EARS2: variants seen among roughly 807,000 people sequenced by gnomAD.
EARS2 encodes nondiscriminating glutamyl-tRNA synthetase EARS2, mitochondrial.
A neutral mutation model predicts 54.1 loss-of-function variants in EARS2; 50 were observed. The ratio of observed to expected loss-of-function variants is 0.92; its 90% CI spans 0.74 to 1.17. EARS2 has a LOEUF of 1.17. Among genes scored for constraint, EARS2 ranks in the 50% most tolerant of loss-of-function variants. EARS2 has a pLI of 0.00. For missense variants in EARS2, 673 were observed against 675.0 expected (o/e 1.00, Z 0.03); for synonymous variants, 298 against 281.0 (o/e 1.06, Z -0.61).
intron 3 of EARS2, among the ~76,000 whole-genome samples, chr16:23,536,073 C>A (rs528946815): frequency 4.6e-5 from 7 of 152,160 alleles, no homozygotes; most frequent in Non-Finnish European, 2.9e-5. Context: ...TCTGTGGGCC[C>A]CTAGCATCAG....
chr16:23,534,868 C>T lies in EARS2; in HGVS notation c.958+20G>A, dbSNP rs777436163. On this transcript the variant is annotated intron_variant, in intron 4 of 8. Transcript: ENST00000449606. Reference sequence around the variant, plus strand: ...CTGGCCATGCTCTCTGCTGCCAGGACTATTCAGGTGGGCACGTACCTGCAA... The same window carrying T: ...CTGGCCATGCTCTCTGCTGCCAGGATTATTCAGGTGGGCACGTACCTGCAA... 6.5e-7 allele frequency: 1 copy of T among 1,544,608 alleles called. No individual in the cohort carries two copies. Among genetic ancestry groups the T allele is most frequent in the Non-Finnish European group, 8.8e-7 (1 of 1,140,958 alleles).
At chr16:23,552,375 A>G (rs1436613349) in intron 1 of EARS2, 71 bp from the exon 2 acceptor site, 13 of 1,482,498 alleles carry the variant, frequency 8.8e-6, no homozygotes, top group Non-Finnish European at 1.2e-5. Flanking sequence ...GCAAGTAAGC[A>G]CTACTGTGAC....
intron 3 of EARS2, 73 bp downstream of exon 3, chr16:23,544,441 A>C: frequency 6.9e-7 from 1 of 1,444,382 alleles, no homozygotes; most frequent in South Asian, 1.3e-5. Flanking sequence ...GTTTAGGGGA[A>C]TTTCTTACGC....
intron 5 of EARS2, among the ~76,000 whole-genome samples, chr16:23,530,713 T>G (rs1170418290): frequency 6.6e-6 from 1 of 151,984 alleles, no homozygotes; most frequent in Non-Finnish European, 1.5e-5. Flanking sequence ...CAAAAAAAAT[T>G]TAAAGTAACA....
intron 3 of EARS2, among the ~76,000 whole-genome samples, chr16:23,536,333 A>G (rs982290301): frequency 3.9e-5 from 6 of 152,190 alleles, no homozygotes; most frequent in African/African-American, 1.2e-4. Context: ...GGCTGGACAC[A>G]GTTGCTCACG....
intron 4 of EARS2, among the ~76,000 whole-genome samples, chr16:23,534,207 T>G (rs955035525): frequency 2.0e-5 from 3 of 152,362 alleles, no homozygotes; most frequent in Admixed American, 2.0e-4. Context: ...GTTACTCAGC[T>G]TCTCTGAGCT....
rs113410455 is a variant in EARS2 at position 23,557,281 on chromosome 16, G to T, written c.63C>A (p.Pro21=). The change falls in exon 1 of 9, where the codon CCC becomes CCA. Residue 21 remains proline, a synonymous_variant. Coordinates refer to ENST00000449606, the MANE Select transcript of EARS2 (RefSeq NM_001083614.2). ...CCAGGTTGGCCTCGCGCCGTCCTAC[G>T]GGGCGGCCAGAGGCCGCCGAAGGCC... ...RERPSAASGR[P]VGRREANLGT... 3.4e-5 allele frequency: 52 copies of T among 1,516,902 alleles called. No homozygotes were observed. In the African/African-American group the frequency reaches 3.9e-4, roughly 11 times the overall value. The allele number at this position is 1,516,902 out of a possible 1,614,324, so 94.0% of individuals were successfully genotyped here.
At position 23,542,279 on chromosome 16, in the gene EARS2, G is replaced by GC. The variant is rs534601210; in HGVS notation, c.485+2234dup. On this transcript the variant is annotated intron_variant, in intron 3 of 8. Transcript: ENST00000449606. Reference sequence around the variant, plus strand: ...CAAAGTGCTGGAATTACAGACGTGAGCCACCATACTTGGCCCTTTGTGGAC... The same window carrying GC: ...CAAAGTGCTGGAATTACAGACGTGAGCCCACCATACTTGGCCCTTTGTGGAC... Among the ~76,000 whole-genome samples the GC allele has an allele frequency of 4.6e-4, 68 of 148,806 alleles. No individual in the cohort carries two copies. In the East Asian group the frequency reaches 0.012, roughly 26 times the overall value.
intron 3 of EARS2, 47 bp from the exon 4 acceptor site, chr16:23,535,407 T>C (rs367916989): frequency 6.5e-7 from 1 of 1,542,404 alleles, no homozygotes. Context: ...GAAAGGTTGA[T>C]GGACAGGAGT....
rs574450277 is a variant in EARS2 at position 23,539,484 on chromosome 16, T to C, written c.486-4124A>G. ...CTGAGCAAGTGTCCATCATGACCCA[T>C]AGGGTTCTGGGTAGTTGTTACCTTA... is the stretch of plus-strand genomic sequence containing the variant. On this transcript the variant is annotated intron_variant, in intron 3 of 8. Coordinates refer to ENST00000449606, the MANE Select transcript of EARS2 (RefSeq NM_001083614.2). Among the ~76,000 whole-genome samples, 3 of 152,266 alleles carry C rather than the reference T, an allele frequency of 2.0e-5. No homozygotes were observed. The South Asian group carries it at 6.2e-4, about 32-fold the overall frequency.
intron 2 of EARS2, among the ~76,000 whole-genome samples, chr16:23,547,034 A>G (rs1251522786): frequency 6.6e-6 from 1 of 152,246 alleles, no homozygotes; most frequent in Non-Finnish European, 1.5e-5. Context: ...CTCCCCTAGG[A>G]GAACTGAAAA....
In EARS2 at chr16:23,523,317, G is replaced by T. The variant is rs1051615451; in HGVS notation, c.*1054C>A. On this transcript the variant is annotated 3_prime_UTR_variant, in exon 9 of 9. Coordinates refer to ENST00000449606, the MANE Select transcript of EARS2 (RefSeq NM_001083614.2). The stretch of plus-strand genomic sequence containing the variant: ...TCTCATTTCAGAAACCAGCAGAGAT[G>T]ATGACTTATAAGTCATGGAGGAAGG... 1.3e-5 allele frequency: 2 copies of T among 152,200 alleles called. No individual in the cohort carries two copies. The highest frequency in any genetic ancestry group is 4.8e-5 in the African/African-American group (2 of 41,438). The allele number at this position is 152,200 out of a possible 1,614,324, so 9.4% of individuals were successfully genotyped here.
Position 23,552,213 on chromosome 16 carries a change from G to A in EARS2, c.231C>T (p.Asp77=), listed in dbSNP as rs1160004764. 2 of 1,614,196 alleles carry A rather than the reference G, an allele frequency of 1.2e-6. No individual in the cohort carries two copies. The highest frequency in any genetic ancestry group is 1.6e-4 in the Middle Eastern group (1 of 6,062). The change falls in exon 2 of 9, where the codon GAC becomes GAT. Residue 77 remains aspartate, a synonymous_variant. Coordinates refer to ENST00000449606, the MANE Select transcript of EARS2 (RefSeq NM_001083614.2). ...CAGGCACAACGCGAGTCTGATCTGT[G>A]TCCTCTAGCCTCAGGATGAAGCTCC... ...YQGSFILRLE[D]TDQTRVVPGA...
At chr16:23,525,670 C>A (rs188140540) in intron 7 of EARS2, among the ~76,000 whole-genome samples, 189 of 152,212 alleles carry the variant, frequency 1.2e-3, no homozygotes, top group African/African-American at 4.4e-3. Context: ...AATCTTTATG[C>A]CTCAGTTTTC....
chr16:23,525,488 A>G (rs919043741), intron 7 of EARS2, 109 bp from the exon 8 acceptor site: 14 of 1,254,744 alleles, frequency 1.1e-5, no homozygotes, highest in Non-Finnish European at 1.5e-5. Flanking sequence ...AGCACAACCA[A>G]TGTTCAAGCC....
chr16:23,535,909 T>C (rs1443029666), intron 3 of EARS2, among the ~76,000 whole-genome samples: 1 of 152,184 alleles, frequency 6.6e-6, no homozygotes, highest in Non-Finnish European at 1.5e-5. Flanking sequence ...TACTTGCAAC[T>C]GCAGGAGGGA....
intron 7 of EARS2, among the ~76,000 whole-genome samples, chr16:23,526,046 TAG>T (rs1965222556): frequency 6.7e-6 from 1 of 150,002 alleles, no homozygotes; most frequent in African/African-American, 2.4e-5. Context: ...AAGGCTATCG[TAG>T]AGAGTTAAAA....
intron 4 of EARS2, among the ~76,000 whole-genome samples, chr16:23,534,648 T>A (rs1054390244): frequency 6.6e-6 from 1 of 152,156 alleles, no homozygotes; most frequent in Non-Finnish European, 1.5e-5. Context: ...CAACTGAGGC[T>A]CAGAGACTAT....
intron 3 of EARS2, among the ~76,000 whole-genome samples, chr16:23,539,568 T>C (rs937011482): frequency 1.3e-5 from 2 of 152,174 alleles, no homozygotes; most frequent in African/African-American, 4.8e-5. Flanking sequence ...TTTCGCTTAT[T>C]AAACACGTTC....
Sources: gnomAD v4.1 joint callset for allele counts (sites outside exome capture counted in the v4.1 genomes callset) on GRCh38, gnomAD v4.1.1 for gene constraint, MANE v1.5 for transcripts, NCBI Gene and HGNC (gene_info 2026-07-23, HGNC 2026-07-21) for gene names.